Variants in FBXL3 observed in about 807,000 individuals in gnomAD.
FBXL3 encodes F-box and leucine rich repeat protein 3.
Under a neutral mutation model 37.9 loss-of-function variants are expected in FBXL3, and 14 were observed. That is an observed-to-expected ratio of 0.37 (90% CI 0.24 to 0.58). The LOEUF is 0.58. Ranked by LOEUF, FBXL3 falls within the 20% of genes least tolerant of loss-of-function variation. The pLI is 0.74. For synonymous variants in FBXL3, 194 were observed against 180.1 expected, an observed-to-expected ratio of 1.08 and a Z score of -0.62; for missense variants, 327 against 511.1, an observed-to-expected ratio of 0.64 and a Z score of 3.47.
At chr13:77,018,798 A>G (rs1320901998) in intron 2 of FBXL3, 76 bp from the exon 3 acceptor site, 3 of 1,211,888 alleles carry the variant, frequency 2.5e-6, no homozygotes, top group Non-Finnish European at 3.4e-6. Flanking sequence ...CCAGACTTCA[A>G]GATTACTCAT....
chr13:77,025,066 A>G (rs926562018), intron 1 of FBXL3, among the ~76,000 whole-genome samples: 1 of 152,240 alleles, frequency 6.6e-6, no homozygotes, highest in Non-Finnish European at 1.5e-5. Context: ...ACATAAAATT[A>G]AACATCTCAG....
rs1019405605 is a variant in FBXL3, at chr13:77,027,147, A to C, written c.-322T>G. On this transcript the variant is annotated 5_prime_UTR_variant, in exon 1 of 5. Transcript: ENST00000355619. ...CGTAAGCTTCCTGCACCTGGGCCAC[A>C]AACAGCGAGTCTAAAATGGCGCCCA... is the stretch of plus-strand genomic sequence containing the variant. 3 of 150,860 alleles carry C rather than the reference A, an allele frequency of 2.0e-5. No individual in the cohort carries two copies. The East Asian group carries it at 6.0e-4, about 30-fold the overall frequency. 9.3% of individuals were successfully genotyped at this position (150,860 alleles called of 1,614,324 possible). A position where few individuals can be genotyped will look rare whatever the true frequency, so the allele number is the denominator to read the frequency against.
chr13:77,007,129 A>T lies in FBXL3; in HGVS notation c.*16T>A. The T allele has an allele frequency of 6.3e-7, 1 of 1,580,256 alleles. No individual in the cohort carries two copies. Among genetic ancestry groups the T allele is most frequent in the Non-Finnish European group, 8.6e-7 (1 of 1,162,150 alleles). ...TACATTTGCTTGAAATTAAGGTGCT[A>T]TTCATCATGCAGTTTTTACCAAGTG... On this transcript the variant is annotated 3_prime_UTR_variant, in exon 5 of 5. Transcript: ENST00000355619.
At chr13:77,011,722 C>CAA (rs60267585) in intron 4 of FBXL3, among the ~76,000 whole-genome samples, 1,851 of 93,170 alleles carry the variant, frequency 0.02, 37 homozygotes, top group East Asian at 0.084. Flanking sequence ...GACCCTGTCT[C>CAA]AAAAAAAAAA....
chr13:77,014,488 C>T (rs1227138510), intron 4 of FBXL3: 2 of 152,196 alleles, frequency 1.3e-5, no homozygotes, highest in Non-Finnish European at 2.9e-5. Context: ...TAAGAAAATA[C>T]AATAGACCTA....
At chr13:77,022,659 T>G (rs1223956212) in intron 1 of FBXL3, among the ~76,000 whole-genome samples, 1 of 152,170 alleles carries the variant, frequency 6.6e-6, no homozygotes, top group Non-Finnish European at 1.5e-5. Context: ...CTATGAATTG[T>G]TTGGTCTGGA....
chr13:77,019,006 C>A, intron 2 of FBXL3: 1 of 244,662 alleles, frequency 4.1e-6, no homozygotes, highest in South Asian at 1.5e-4. Context: ...TGATAAGAGA[C>A]ATATTTAATG....
At chr13:77,026,258 C>T (rs2034836133) in intron 1 of FBXL3, 1 of 985,326 alleles carries the variant, frequency 1.0e-6, no homozygotes, top group Admixed American at 6.1e-5. Flanking sequence ...ACGCCAAAGG[C>T]AGACGCGAAT....
intron 2 of FBXL3, 138 bp downstream of exon 2, chr13:77,021,375 A>G: frequency 1.7e-6 from 1 of 589,980 alleles, no homozygotes. Flanking sequence ...ACAGCTTCTA[A>G]GGTATACAAT....
intron 4 of FBXL3, chr13:77,009,677 T>C (rs1001312199): frequency 6.6e-6 from 1 of 152,184 alleles, no homozygotes; most frequent in African/African-American, 2.4e-5. Flanking sequence ...AGTTCAACCA[T>C]TGTGGAAGAC....
chr13:77,026,441 G>A, intron 1 of FBXL3: 1 of 902,068 alleles, frequency 1.1e-6, no homozygotes, highest in Non-Finnish European at 1.3e-6. Context: ...CAGCACGGGC[G>A]TAGCCGACGC....
At chr13:77,011,288 C>T (rs1051300122) in intron 4 of FBXL3, among the ~76,000 whole-genome samples, 4 of 144,328 alleles carry the variant, frequency 2.8e-5, no homozygotes, top group African/African-American at 1.1e-4. Context: ...TGCAGTGAGC[C>T]GAGATCAATG....
chr13:77,026,386 T>C, intron 1 of FBXL3: 6 of 985,056 alleles, frequency 6.1e-6, no homozygotes, highest in Non-Finnish European at 7.2e-6. Context: ...CGCCCCACCC[T>C]GGGCAGTTTG....
chr13:77,007,261 A>G lies in FBXL3; in HGVS notation c.1171T>C (p.Ser391Pro). The G allele has an allele frequency of 1.2e-6, 2 of 1,614,050 alleles. No homozygotes were observed. Among genetic ancestry groups the G allele is most frequent in the Non-Finnish European group, 1.7e-6 (2 of 1,180,016 alleles). Residue 391 changes from serine (S) to proline (P), a missense_variant, in exon 5 of 5, where the codon TCC becomes CCC. Transcript: ENST00000355619. ...KMCGGRLSQL[S>P]IMEEVLIPDQ... ...GGAATTAGTACTTCTTCCATAATGG[A>G]TAATTGAGATAGGCGGCCACCACAC...
rs1483443062 is a variant in FBXL3, at chr13:77,026,887, C to G, written c.-62G>C. On this transcript the variant is annotated 5_prime_UTR_variant, in exon 1 of 5. Coordinates refer to ENST00000355619, the MANE Select transcript of FBXL3 (RefSeq NM_012158.4). ...CGTGCTCCGGGGACGGCGGCGGCTG[C>G]AGGTCCCGCGGCTCTCACATGAGGC... 1 of 151,640 alleles carries G rather than the reference C, an allele frequency of 6.6e-6. No individual in the cohort carries two copies. The highest frequency in any genetic ancestry group is 1.5e-5 in the Non-Finnish European group (1 of 67,934). 9.4% of individuals were successfully genotyped at this position (151,640 alleles called of 1,614,324 possible).
At chr13:77,009,194 A>C (rs551360225) in intron 4 of FBXL3, 1 of 152,278 alleles carries the variant, frequency 6.6e-6, no homozygotes, top group Non-Finnish European at 1.5e-5. Context: ...CCATAGCTTT[A>C]TAACAGTGGG....
intron 4 of FBXL3, among the ~76,000 whole-genome samples, chr13:77,012,314 GA>G (rs58756999): frequency 9.9e-5 from 15 of 151,000 alleles, no homozygotes; most frequent in Admixed American, 1.3e-4. Context: ...AACTCATTTG[GA>G]AAAAAAAAAT....
chr13:77,024,977 GATTTC>G (rs956325105), intron 1 of FBXL3, among the ~76,000 whole-genome samples: 6 of 152,048 alleles, frequency 3.9e-5, no homozygotes, highest in Non-Finnish European at 5.9e-5. Flanking sequence ...TTTCCAAGTT[GATTTC>G]ATTTATGTAT....
intron 4 of FBXL3, among the ~76,000 whole-genome samples, chr13:77,008,357 T>C (rs879419044): frequency 6.6e-6 from 1 of 152,172 alleles, no homozygotes; most frequent in Non-Finnish European, 1.5e-5. Context: ...TACCAAGATA[T>C]CACTAAGTAT....
Sources: allele counts gnomAD v4.1 joint callset (sites outside exome capture counted in the v4.1 genomes callset), GRCh38; gene constraint gnomAD v4.1.1; transcripts MANE v1.5; gene names NCBI Gene and HGNC (gene_info 2026-07-23, HGNC 2026-07-21).